Variants in LONRF3 observed in about 807,000 individuals in gnomAD.
LONRF3 encodes the protein LON peptidase N-terminal domain and ring finger 3, also known as LON peptidase N-terminal domain and RING finger protein 3.
A neutral mutation model predicts 51.7 loss-of-function variants in LONRF3; 19 were observed. The ratio of observed to expected loss-of-function variants is 0.37; its 90% CI spans 0.26 to 0.54. The LOEUF is 0.54. LONRF3 is among the 20% of genes least tolerant of loss of function. LONRF3 has a pLI of 0.86. For synonymous variants in LONRF3, 265 were observed against 257.8 expected (o/e 1.03, Z -0.27); for missense variants, 521 against 623.9 (o/e 0.84, Z 1.76).
Position 118,990,496 on chromosome X carries a change from C to T in LONRF3, c.1351C>T (p.Pro451Ser). The change falls in exon 5 of 11, where the codon CCT becomes TCT. Residue 451 changes from proline to serine, a missense_variant. Coordinates refer to ENST00000371628, the MANE Select transcript of LONRF3 (RefSeq NM_001031855.3). Reference sequence around the variant, plus strand: ...TCCTCCCACTGATCAGGGGGACAAACCTGCTCTCAGTTTACCACTTGCATC... The same window carrying T: ...TCCTCCCACTGATCAGGGGGACAAATCTGCTCTCAGTTTACCACTTGCATC... ...QDPPTDQGDK[P>S]ALSLPLASFD... 8.3e-7 allele frequency: 1 copy of T among 1,211,006 alleles called. No homozygotes were observed. The highest frequency in any genetic ancestry group is 1.1e-6 in the Non-Finnish European group (1 of 894,667).
chrX:118,974,740 C>G lies in LONRF3; in HGVS notation c.-41C>G, dbSNP rs760789941. ...GCTGCCACTCCTTGCTTCGTGTCCC[C>G]GGTCCCTAGACGCCTCGTCTCCTCC... On this transcript the variant is annotated 5_prime_UTR_variant, in exon 1 of 11. Transcript: ENST00000371628. 1.1e-5 allele frequency: 12 copies of G among 1,080,355 alleles called. No homozygotes were observed. Among genetic ancestry groups the G allele is most frequent in the Non-Finnish European group, 1.4e-5 (11 of 811,111 alleles). 89.0% of individuals were successfully genotyped at this position (1,080,355 alleles called of 1,213,427 possible). A position where few individuals can be genotyped will look rare whatever the true frequency, so the allele number is the denominator to read the frequency against.
intron 1 of LONRF3, 117 bp downstream of exon 1, chrX:118,975,714 C>A (rs1921978508): frequency 1.8e-6 from 1 of 558,488 alleles, no homozygotes; most frequent in African/African-American, 2.6e-5. Context: ...GGGCGGGGGA[C>A]CCATGGACTG....
At chrX:119,017,015 A>G (rs902635861) in intron 10 of LONRF3, among the ~76,000 whole-genome samples, 1 of 112,313 alleles carries the variant, frequency 8.9e-6, no homozygotes, top group Admixed American at 9.4e-5. Flanking sequence ...TGCTTTAACA[A>G]GAAACAAAAA....
intron 7 of LONRF3, among the ~76,000 whole-genome samples, 187 bp from the exon 8 acceptor site, chrX:119,011,628 A>G (rs974858868): frequency 8.0e-5 from 9 of 112,246 alleles, no homozygotes; most frequent in African/African-American, 2.9e-4. Context: ...AGCCCACACT[A>G]TCAATTGCAT....
intron 2 of LONRF3, among the ~76,000 whole-genome samples, chrX:118,981,885 T>C (rs1211914298): frequency 1.8e-5 from 2 of 111,641 alleles, no homozygotes; most frequent in East Asian, 5.6e-4. Flanking sequence ...ATTCACTAAG[T>C]TAGGCTTAGT....
rs919071642 is a variant in LONRF3 at position 118,987,603 on chromosome X, A to G, written c.1060-1805A>G. Among the ~76,000 whole-genome samples, 3 of 109,037 alleles carry G rather than the reference A, an allele frequency of 2.8e-5. No homozygotes were observed. The Admixed American group carries it at 2.9e-4, about 11-fold the overall frequency. 94.7% of individuals were successfully genotyped at this position (109,037 alleles called of 115,157 possible). A position where few individuals can be genotyped will look rare whatever the true frequency, so the allele number is the denominator to read the frequency against. On this transcript the variant is annotated intron_variant, in intron 3 of 10. Transcript: ENST00000371628. ...CAGTTCTTGGTTAGATCCAGCCGAG[A>G]GAGATTTTACAGAGCTAGAAAGGAA...
chrX:119,004,831 A>G (rs1462709522), intron 5 of LONRF3, among the ~76,000 whole-genome samples: 1 of 112,490 alleles, frequency 8.9e-6, no homozygotes, highest in Non-Finnish European at 1.9e-5. Context: ...GCATCAGTAA[A>G]GCTGTTTAAA....
chrX:118,986,982 G>A (rs927253552), intron 3 of LONRF3: 22 of 1,149,631 alleles, frequency 1.9e-5, no homozygotes, highest in Middle Eastern at 2.3e-4. Context: ...ACATTCTCCC[G>A]ATATCCTGAA....
Position 118,982,817 on chromosome X carries a change from C to T in LONRF3, c.937-4C>T, listed in dbSNP as rs1341362175. ...TGGGATTGAATGCTAATGTTTCCTT[C>T]CAGGCACATTTCAGAAAAGCCCAAG... On this transcript the variant is annotated splice_region_variant and splice_polypyrimidine_tract_variant and intron_variant, in intron 2 of 10. Coordinates refer to ENST00000371628, the MANE Select transcript of LONRF3 (RefSeq NM_001031855.3). The T allele has an allele frequency of 3.3e-6, 4 of 1,209,465 alleles. No homozygotes were observed. Among genetic ancestry groups the T allele is most frequent in the African/African-American group, 3.5e-5 (2 of 57,166 alleles).
At chrX:119,015,618 C>T (rs186485379) in intron 10 of LONRF3, among the ~76,000 whole-genome samples, 1 of 112,125 alleles carries the variant, frequency 8.9e-6, no homozygotes, top group Admixed American at 9.4e-5. Context: ...TTAATGTTCC[C>T]CTTCACCTTC....
chrX:119,017,859 T>C lies in LONRF3; in HGVS notation c.*169T>C. ...ATTGAGTAGAAAGACCAAAAGAATG[T>C]GACCTATTTGAAACTTTCTGTCTTA... is the stretch of plus-strand genomic sequence containing the variant. On this transcript the variant is annotated 3_prime_UTR_variant, in exon 11 of 11. Transcript: ENST00000371628. The C allele has an allele frequency of 2.5e-6, 1 of 397,722 alleles. No individual in the cohort carries two copies. The highest frequency in any genetic ancestry group is 4.1e-6 in the Non-Finnish European group (1 of 244,870). 32.8% of individuals were successfully genotyped at this position (397,722 alleles called of 1,213,427 possible). A position where few individuals can be genotyped will look rare whatever the true frequency, so the allele number is the denominator to read the frequency against.
At chrX:118,996,844 C>T (rs111514403) in intron 5 of LONRF3, among the ~76,000 whole-genome samples, 159 of 108,124 alleles carry the variant, frequency 1.5e-3, no homozygotes, top group African/African-American at 5.0e-3. Flanking sequence ...ATGGTGTGAA[C>T]CCAGGAGGCG....
chrX:118,996,401 T>C lies in LONRF3; in HGVS notation c.1415+5841T>C, dbSNP rs1288999686. ...TCACTGTTTGCTGATGATATGATCG[T>C]TTACCTTGAAAACCCTAAGGACTCC... On this transcript the variant is annotated intron_variant, in intron 5 of 10. Transcript: ENST00000371628. Among the ~76,000 whole-genome samples the C allele has an allele frequency of 2.7e-5, 3 of 110,664 alleles. No individual in the cohort carries two copies. In the Admixed American group the frequency reaches 2.9e-4, roughly 11 times the overall value.
At chrX:119,000,775 TTC>T (rs200671696) in intron 5 of LONRF3, among the ~76,000 whole-genome samples, 65 of 55,808 alleles carry the variant, frequency 1.2e-3, no homozygotes, top group Non-Finnish European at 1.9e-3. Context: ...TTCACTCTCA[TTC>T]TCTCTCTCTC....
intron 1 of LONRF3, among the ~76,000 whole-genome samples, chrX:118,976,039 A>C (rs868154175): frequency 2.7e-5 from 3 of 111,388 alleles, no homozygotes; most frequent in Non-Finnish European, 5.7e-5. Context: ...GCACCTTCCC[A>C]GCGAGGAGAG....
chrX:118,974,930 G>T lies in LONRF3; in HGVS notation c.150G>T (p.Pro50=). The change falls in exon 1 of 11, where the codon CCG becomes CCT. Residue 50 remains proline (P), a synonymous_variant. Transcript: ENST00000371628. ...KVAAEGPAPL[P]TREPEQEQSP... The stretch of plus-strand genomic sequence containing the variant: ...CTGCAGAGGGCCCCGCACCTCTACC[G>T]ACGCGGGAGCCAGAGCAAGAGCAGT... 8.4e-7 allele frequency: 1 copy of T among 1,184,719 alleles called. No individual in the cohort carries two copies. The highest frequency in any genetic ancestry group is 1.1e-6 in the Non-Finnish European group (1 of 881,731).
At chrX:119,007,559 G>A (rs1216261117) in intron 6 of LONRF3, among the ~76,000 whole-genome samples, 3 of 112,225 alleles carry the variant, frequency 2.7e-5, no homozygotes, top group Non-Finnish European at 3.8e-5. Flanking sequence ...TTTTACAATC[G>A]GTGTTAATGT....
At chrX:119,016,892 T>C in intron 10 of LONRF3, among the ~76,000 whole-genome samples, 1 of 111,695 alleles carries the variant, frequency 9.0e-6, no homozygotes, top group African/African-American at 3.3e-5. Flanking sequence ...AATGCATCAG[T>C]CCAAAGGACC....
At chrX:119,003,650 T>A (rs1924490990) in intron 5 of LONRF3, among the ~76,000 whole-genome samples, 1 of 112,682 alleles carries the variant, frequency 8.9e-6, no homozygotes. Flanking sequence ...TGTTCTGTAA[T>A]CTGGTAGAGT....
Sources: gnomAD v4.1 joint callset for allele counts (sites outside exome capture counted in the v4.1 genomes callset) on GRCh38, gnomAD v4.1.1 for gene constraint, MANE v1.5 for transcripts, NCBI Gene and HGNC (gene_info 2026-07-23, HGNC 2026-07-21) for gene names.